Variants in SEMA3D observed in about 807,000 individuals in gnomAD.
The protein encoded by SEMA3D is semaphorin 3D.
Under a neutral mutation model 100.1 loss-of-function variants are expected in SEMA3D, and 84 were observed. That is an observed-to-expected ratio of 0.84 (90% confidence interval 0.70 to 1.01). SEMA3D has a LOEUF of 1.01. Among genes scored for constraint, SEMA3D ranks in the 50% least tolerant of loss-of-function variants. SEMA3D has a pLI of 0.00. For missense variants in SEMA3D, 875 were observed against 934.1 expected (o/e 0.94, Z 0.82); for synonymous variants, 312 against 320.7 (o/e 0.97, Z 0.29).
chr7:85,027,267 A>G (rs1790416504), intron 12 of SEMA3D, among the ~76,000 whole-genome samples: 2 of 152,064 alleles, frequency 1.3e-5, no homozygotes, highest in African/African-American at 4.8e-5. Context: ...ACAATGTTAG[A>G]AAGTCTAATG....
At chr7:85,060,049 T>C (rs1791430987) in intron 8 of SEMA3D, among the ~76,000 whole-genome samples, 1 of 152,168 alleles carries the variant, frequency 6.6e-6, no homozygotes, top group Admixed American at 6.5e-5. Flanking sequence ...CCAAGTGATA[T>C]TTATTTTACC....
At chr7:85,140,646 A>G in intron 2 of SEMA3D, 1 of 971,028 alleles carries the variant, frequency 1.0e-6, no homozygotes, top group Non-Finnish European at 1.2e-6. Flanking sequence ...TATAGCCTAC[A>G]ACCTGCAAGA....
intron 12 of SEMA3D, among the ~76,000 whole-genome samples, chr7:85,035,482 T>C (rs187520646): frequency 2.0e-5 from 3 of 152,136 alleles, no homozygotes; most frequent in Admixed American, 6.6e-5. Context: ...ATAAGCCATT[T>C]GCAGAGAAAT....
intron 9 of SEMA3D, among the ~76,000 whole-genome samples, chr7:85,044,974 T>C (rs1324866540): frequency 6.6e-6 from 1 of 151,914 alleles, no homozygotes; most frequent in Non-Finnish European, 1.5e-5. Context: ...TAATAGTTAA[T>C]AAATAACTAA....
chr7:85,167,464 C>T (rs1025732165), intron 1 of SEMA3D: 2 of 785,600 alleles, frequency 2.5e-6, no homozygotes, highest in Non-Finnish European at 3.1e-6. Context: ...TAATGTTGGA[C>T]GTCTATTTGT....
At chr7:85,093,241 T>TCACCTC in intron 4 of SEMA3D, among the ~76,000 whole-genome samples, 1 of 152,034 alleles carries the variant, frequency 6.6e-6, no homozygotes, top group Non-Finnish European at 1.5e-5. Context: ...TCCTTCAACT[T>TCACCTC]GAGGTGACTG....
At chr7:85,070,860 A>T (rs533323346) in intron 6 of SEMA3D, among the ~76,000 whole-genome samples, 5 of 152,256 alleles carry the variant, frequency 3.3e-5, no homozygotes, top group African/African-American at 1.2e-4. Context: ...GGCTCACTGC[A>T]ACCTCCGCCT....
chr7:85,025,924 G>A (rs1790380494), intron 12 of SEMA3D, among the ~76,000 whole-genome samples: 1 of 151,984 alleles, frequency 6.6e-6, no homozygotes, highest in Non-Finnish European at 1.5e-5. Context: ...GAATTTCTAT[G>A]CCAGAAAAAG....
At chr7:85,022,941 G>A (rs1444243572) in intron 12 of SEMA3D, among the ~76,000 whole-genome samples, 1 of 151,788 alleles carries the variant, frequency 6.6e-6, no homozygotes, top group Non-Finnish European at 1.5e-5. Flanking sequence ...TTAAGAAACT[G>A]ATCTATAAAC....
rs184312484 is a variant in SEMA3D, at chr7:85,130,190, C to A, written c.-40-8259G>T. On this transcript the variant is annotated intron_variant, in intron 2 of 18. Coordinates refer to ENST00000284136, the MANE Select transcript of SEMA3D (RefSeq NM_001384900.1). ...GAATTTAGGAACCAAGTCTTCATAT[C>A]GGATTTGAATTTCATGGTATTTGAC... Among the ~76,000 whole-genome samples, 76 of 152,190 alleles carry A rather than the reference C, an allele frequency of 5.0e-4. No individual in the cohort carries two copies. In the East Asian group the frequency reaches 0.013, roughly 26 times the overall value.
intron 5 of SEMA3D, among the ~76,000 whole-genome samples, chr7:85,078,984 T>C (rs1442523093): frequency 1.3e-5 from 2 of 152,194 alleles, no homozygotes; most frequent in East Asian, 3.9e-4. Flanking sequence ...GGTGATATTA[T>C]AGAAAGAAAT....
chr7:85,099,032 T>C (rs1788661825), intron 3 of SEMA3D, among the ~76,000 whole-genome samples: 1 of 152,004 alleles, frequency 6.6e-6, no homozygotes, highest in African/African-American at 2.4e-5. Flanking sequence ...GCTAATATTT[T>C]GTTGTCTGGA....
chr7:85,104,372 A>G (rs1461577567), intron 3 of SEMA3D, among the ~76,000 whole-genome samples: 2 of 152,132 alleles, frequency 1.3e-5, no homozygotes, highest in African/African-American at 4.8e-5. Context: ...CTTTTTATCT[A>G]TATTTCCTTT....
At chr7:85,179,756 G>T (rs183409602) in intron 1 of SEMA3D, among the ~76,000 whole-genome samples, 1 of 151,760 alleles carries the variant, frequency 6.6e-6, no homozygotes, top group Non-Finnish European at 1.5e-5. Context: ...CCGCCTCCTG[G>T]GCTCACACCA....
At chr7:85,047,391 A>G (rs886224771) in intron 9 of SEMA3D, among the ~76,000 whole-genome samples, 1 of 151,842 alleles carries the variant, frequency 6.6e-6, no homozygotes, top group Non-Finnish European at 1.5e-5. Flanking sequence ...TCTTATATAG[A>G]CATGTAAAGT....
At position 85,006,877 on chromosome 7, in the gene SEMA3D, C is replaced by T. The variant is rs1163885418; in HGVS notation, c.1833G>A (p.Leu611=). 2 of 1,610,640 alleles carry T rather than the reference C, an allele frequency of 1.2e-6. 1 individual carries two copies. Among genetic ancestry groups the T allele is most frequent in the Non-Finnish European group, 1.7e-6 (2 of 1,177,802 alleles). ...CTTGTTGGGATTTAGGTATACATTCCAGAAAGGTTGAGTTAAATTCAATGC... is the reference window on the plus strand; with the variant it reads ...CTTGTTGGGATTTAGGTATACATTCTAGAAAGGTTGAGTTAAATTCAATGC... ...IFGIEFNSTF[L]ECIPKSQQAT... The change falls in exon 18 of 19, where the codon CTG becomes CTA. Residue 611 remains leucine, a synonymous_variant. Transcript: ENST00000284136.
chr7:85,230,458 A>G, the SEMA3D span, among the ~76,000 whole-genome samples: 2 of 152,202 alleles, frequency 1.3e-5, no homozygotes, highest in African/African-American at 4.8e-5. Flanking sequence ...AGTGTTTCAC[A>G]TAATTTTTAT....
the SEMA3D span, among the ~76,000 whole-genome samples, chr7:85,205,546 C>T: frequency 4.7e-4 from 72 of 151,978 alleles, no homozygotes; most frequent in Non-Finnish European, 7.5e-4. Flanking sequence ...CCCTTGACAT[C>T]CCTTAGTTAG....
the SEMA3D span, among the ~76,000 whole-genome samples, chr7:85,198,425 C>G: frequency 1.4e-4 from 22 of 151,930 alleles, no homozygotes; most frequent in Middle Eastern, 3.5e-3. Flanking sequence ...ATCATGGATC[C>G]TTTGGGATTA....
Sources: allele counts gnomAD v4.1 joint callset (sites outside exome capture counted in the v4.1 genomes callset), GRCh38; gene constraint gnomAD v4.1.1; transcripts MANE v1.5; gene names NCBI Gene and HGNC (gene_info 2026-07-23, HGNC 2026-07-21).